Variants in HAPLN2 observed in about 807,000 individuals in gnomAD.
The protein encoded by HAPLN2 is brain link protein-1.
HAPLN2 carries 27 observed loss-of-function variants against 29.3 expected under a neutral mutation model. The ratio of observed to expected loss-of-function variants is 0.92; its 90% CI spans 0.68 to 1.27. The LOEUF (loss-of-function observed/expected upper bound fraction) is 1.27. Among genes scored for constraint, HAPLN2 ranks in the 50% most tolerant of loss-of-function variants. HAPLN2 has a pLI of 0.00. For missense variants in HAPLN2, 454 were observed against 484.3 expected, an observed-to-expected ratio of 0.94 and a Z score of 0.59; for synonymous variants, 208 against 211.7, an observed-to-expected ratio of 0.98 and a Z score of 0.15.
chr1:156,624,767 C>A lies in HAPLN2; in HGVS notation c.723C>A (p.Phe241Leu). ...GCGACCGCTACGACGCCTTCTGCTTCACCTCCGCGCTGGCGGGTGAGGCGC... is the reference window on the plus strand; with the variant it reads ...GCGACCGCTACGACGCCTTCTGCTTAACCTCCGCGCTGGCGGGTGAGGCGC... ...RMRDRYDAFCFTSALAGQVFF... is the reference protein window; with the variant it reads ...RMRDRYDAFCLTSALAGQVFF... Residue 241 changes from phenylalanine (F) to leucine (L), a missense_variant, in exon 6 of 7, where the codon TTC (phenylalanine) becomes TTA (leucine). By Grantham distance (22) the Phe-to-Leu change is conservative. This residue lies in a region of HAPLN2 where 235 missense variants were observed against 236.9 expected (regional missense o/e 0.99). Transcript: ENST00000255039. 6.6e-7 allele frequency: 1 copy of A among 1,515,826 alleles called. No individual in the cohort carries two copies. The allele number at this position is 1,515,826 out of a possible 1,614,324, so 93.9% of individuals were successfully genotyped here. A position where few individuals can be genotyped will look rare whatever the true frequency, so the allele number is the denominator to read the frequency against.
the HAPLN2 span, among the ~76,000 whole-genome samples, chr1:156,613,187 A>G: frequency 6.6e-6 from 1 of 151,954 alleles, no homozygotes; most frequent in Non-Finnish European, 1.5e-5. Flanking sequence ...TGTCTCTACT[A>G]AAAATACAAA....
chr1:156,624,897 G>GC (rs1013460993), intron 6 of HAPLN2, 114 bp downstream of exon 6: 19 of 1,299,052 alleles, frequency 1.5e-5, no homozygotes, highest in Admixed American at 1.2e-4. Flanking sequence ...CCAAGGCACC[G>GC]CCCCCCCATC....
Position 156,624,735 on chromosome 1 carries a change from C to A in HAPLN2, c.691C>A (p.Arg231=). Residue 231 remains arginine (R), a synonymous_variant, in exon 6 of 7, where the codon CGG becomes AGG. Coordinates refer to ENST00000255039, the MANE Select transcript of HAPLN2 (RefSeq NM_021817.3). The stretch of plus-strand genomic sequence containing the variant: ...GATCCGCAGCTACGGACCCCGCGAC[C>A]GGATGCGCGACCGCTACGACGCCTT... ...PGIRSYGPRD[R]MRDRYDAFCF... 6.4e-7 allele frequency: 1 copy of A among 1,559,968 alleles called. No individual in the cohort carries two copies.
the HAPLN2 span, among the ~76,000 whole-genome samples, chr1:156,605,440 A>AT: frequency 6.6e-6 from 1 of 151,574 alleles, no homozygotes; most frequent in Non-Finnish European, 1.5e-5. Context: ...AAAAAAAAAA[A>AT]ATACAAAAAA....
In HAPLN2 at chr1:156,625,306, G is replaced by C; in HGVS notation, c.945G>C (p.Pro315=). 1.3e-6 allele frequency: 2 copies of C among 1,585,130 alleles called. No individual in the cohort carries two copies. The highest frequency in any genetic ancestry group is 8.6e-7 in the Non-Finnish European group (1 of 1,166,712). Reference sequence around the variant, plus strand: ...CGAGGCCGCGCTGCGGGGGGCTCCCGGATCCCGGAGTGCGCAGTTTCGGCT... The same window carrying C: ...CGAGGCCGCGCTGCGGGGGGCTCCCCGATCCCGGAGTGCGCAGTTTCGGCT... ...TTPRPRCGGL[P]DPGVRSFGFP... is the part of the protein sequence containing the mutation. Residue 315 remains proline (P), a synonymous_variant, in exon 7 of 7, where the codon CCG becomes CCC. Transcript: ENST00000255039. This position sits in a 1 kb window ranked among gnomAD's most constrained non-coding sequence, Gnocchi z 5.7.
chr1:156,604,329 T>A, the HAPLN2 span, among the ~76,000 whole-genome samples: 45 of 151,016 alleles, frequency 3.0e-4, no homozygotes, highest in Non-Finnish European at 6.5e-4. Context: ...ACAGAGTCTC[T>A]ATCGCCAGGC....
the HAPLN2 span, among the ~76,000 whole-genome samples, chr1:156,605,876 A>G: frequency 1.3e-5 from 2 of 151,910 alleles, no homozygotes; most frequent in African/African-American, 2.4e-5. Flanking sequence ...TTGGCCGGGC[A>G]TGGTGGCTCA....
the HAPLN2 span, among the ~76,000 whole-genome samples, chr1:156,610,017 C>G: frequency 4.0e-5 from 6 of 151,050 alleles, 1 homozygote; most frequent in African/African-American, 4.9e-5. Context: ...AGATGGAGAC[C>G]GTCTTGACCA....
At chr1:156,611,051 G>C in the HAPLN2 span, among the ~76,000 whole-genome samples, 3 of 152,128 alleles carry the variant, frequency 2.0e-5, no homozygotes, top group Middle Eastern at 3.2e-3. Flanking sequence ...GGAGGCCAAG[G>C]TGGGTGGGTC....
chr1:156,609,849 A>G, the HAPLN2 span, among the ~76,000 whole-genome samples: 1 of 152,206 alleles, frequency 6.6e-6, no homozygotes, highest in South Asian at 2.1e-4. Flanking sequence ...TCTATACACC[A>G]AACCCCCACA....
upstream of HAPLN2, among the ~76,000 whole-genome samples, chr1:156,614,457 C>T (rs35792841): frequency 0.24 from 35,952 of 152,026 alleles, 4,543 homozygotes; most frequent in South Asian, 0.49. Flanking sequence ...CTCCTGACCT[C>T]GTGATTCACC....
the HAPLN2 span, among the ~76,000 whole-genome samples, chr1:156,602,440 G>T: frequency 6.6e-6 from 1 of 150,788 alleles, no homozygotes; most frequent in Non-Finnish European, 1.5e-5. Context: ...AGACGCGGTG[G>T]CTCATGCCTG....
chr1:156,604,587 A>G, the HAPLN2 span, among the ~76,000 whole-genome samples: 48,432 of 152,062 alleles, frequency 0.32, 8,129 homozygotes, highest in South Asian at 0.58. Context: ...GTGCCCGGCC[A>G]AAGAATTCTT....
chr1:156,612,224 A>G, the HAPLN2 span, among the ~76,000 whole-genome samples: 1 of 152,226 alleles, frequency 6.6e-6, no homozygotes, highest in South Asian at 2.1e-4. Context: ...GGGTTTCACC[A>G]TGTTGGCCAG....
At chr1:156,617,631 G>A (rs1678093068), upstream of HAPLN2, among the ~76,000 whole-genome samples, 1 of 146,366 alleles carries the variant, frequency 6.8e-6, no homozygotes, top group South Asian at 2.2e-4. Flanking sequence ...TTATAGGTGT[G>A]AGCCATAGTG....
upstream of HAPLN2, among the ~76,000 whole-genome samples, chr1:156,618,555 G>A (rs148198765): frequency 0.013 from 1,912 of 151,912 alleles, 44 homozygotes; most frequent in African/African-American, 0.044. Flanking sequence ...CGAGGCAGGC[G>A]GATCACCAGG....
At chr1:156,603,549 A>C in the HAPLN2 span, among the ~76,000 whole-genome samples, 1 of 152,132 alleles carries the variant, frequency 6.6e-6, no homozygotes, top group African/African-American at 2.4e-5. Flanking sequence ...ATACAGGTAT[A>C]TATATGAAAT....
At chr1:156,607,073 C>G in the HAPLN2 span, among the ~76,000 whole-genome samples, 1 of 152,186 alleles carries the variant, frequency 6.6e-6, no homozygotes, top group Non-Finnish European at 1.5e-5. Context: ...GTCATGGTCC[C>G]TATACCTATC....
chr1:156,613,745 G>A, the HAPLN2 span, among the ~76,000 whole-genome samples: 11 of 151,710 alleles, frequency 7.3e-5, no homozygotes, highest in Admixed American at 2.0e-4. Flanking sequence ...GTGAAGCCCC[G>A]TCTCTATTAA....
Sources: allele counts gnomAD v4.1 joint callset (sites outside exome capture counted in the v4.1 genomes callset), GRCh38; gene constraint gnomAD v4.1.1; regional missense constraint gnomAD v4.1.1; non-coding constraint Gnocchi (gnomAD v3.1); transcripts MANE v1.5; gene names NCBI Gene and HGNC (gene_info 2026-07-23, HGNC 2026-07-21).